Variants in KCNH1 observed in about 807,000 individuals in gnomAD.
The protein encoded by KCNH1 is potassium voltage-gated channel subfamily H member 1.
In KCNH1, 27 loss-of-function variants were observed where a neutral mutation model predicts 69.2. The observed-to-expected ratio is 0.39, with a 90% CI of 0.29 to 0.54. KCNH1 has a LOEUF of 0.54. KCNH1 is among the 20% of genes least tolerant of loss of function. The pLI, the probability that KCNH1 is intolerant of heterozygous loss-of-function variation, is 0.68. For synonymous variants in KCNH1, 456 were observed against 487.7 expected (o/e 0.93, Z 0.86); for missense variants, 798 against 1,261.6 (o/e 0.63, Z 5.57).
chr1:210,800,210 G>A (rs1421612514), intron 8 of KCNH1, among the ~76,000 whole-genome samples: 4 of 152,196 alleles, frequency 2.6e-5, no homozygotes. Context: ...AATTCAGAAC[G>A]CCAATGCTTG....
chr1:210,917,497 CA>C (rs1176728631), intron 7 of KCNH1, among the ~76,000 whole-genome samples: 1 of 151,998 alleles, frequency 6.6e-6, no homozygotes, highest in Non-Finnish European at 1.5e-5. Flanking sequence ...AACAAACAAA[CA>C]AAAAAACCCC....
intron 7 of KCNH1, among the ~76,000 whole-genome samples, chr1:210,841,074 AC>A (rs983101518): frequency 6.6e-6 from 1 of 152,182 alleles, no homozygotes; most frequent in African/African-American, 2.4e-5. Context: ...ACTTAAAAAA[AC>A]AACTCAAAAC....
intron 3 of KCNH1, among the ~76,000 whole-genome samples, chr1:211,096,559 A>G (rs1011457255): frequency 6.6e-6 from 1 of 152,236 alleles, no homozygotes; most frequent in African/African-American, 2.4e-5. Context: ...GGGCAAAACT[A>G]GAAAAATCAA....
chr1:210,985,529 T>C lies in KCNH1; in HGVS notation c.1032+33254A>G, dbSNP rs540558211. Among the ~76,000 whole-genome samples, 444 of 152,340 alleles carry C rather than the reference T, an allele frequency of 2.9e-3. 2 individuals carry two copies. The highest frequency in any genetic ancestry group is 4.8e-3 in the Non-Finnish European group (324 of 68,032). On this transcript the variant is annotated intron_variant, in intron 6 of 10. Transcript: ENST00000271751. ...AAGAACATCTTTATTTCTGCCTTCA[T>C]TTCGTTATGTACCCAGTAGTCATTC...
intron 10 of KCNH1, among the ~76,000 whole-genome samples, chr1:210,751,567 C>T (rs1166481600): frequency 1.3e-5 from 2 of 152,032 alleles, no homozygotes; most frequent in East Asian, 1.9e-4. Context: ...CAAAGTGAGA[C>T]AGCTAGTCAC....
chr1:211,055,119 T>C (rs1690280708), intron 5 of KCNH1, among the ~76,000 whole-genome samples: 1 of 152,006 alleles, frequency 6.6e-6, no homozygotes, highest in Non-Finnish European at 1.5e-5. Flanking sequence ...AAGTGAGCAA[T>C]CATAGTACCT....
chr1:210,695,911 G>A lies in KCNH1; in HGVS notation c.2113-11773C>T, dbSNP rs1681629330. ...GCCGGCTAGTTTCCTGTTAGGGTCTGCCAGTGGCAGCTCTGGCAGACTGAC... is the reference window on the plus strand; with the variant it reads ...GCCGGCTAGTTTCCTGTTAGGGTCTACCAGTGGCAGCTCTGGCAGACTGAC... On this transcript the variant is annotated intron_variant, in intron 10 of 10. Transcript: ENST00000271751. Among the ~76,000 whole-genome samples the A allele has an allele frequency of 2.0e-5, 3 of 152,322 alleles. No homozygotes were observed. The South Asian group carries it at 6.2e-4, about 32-fold the overall frequency.
intron 5 of KCNH1, among the ~76,000 whole-genome samples, chr1:211,035,916 G>T (rs1032454388): frequency 3.9e-5 from 6 of 152,210 alleles, no homozygotes; most frequent in Non-Finnish European, 7.3e-5. Context: ...CCTCAGAAGT[G>T]TGTGTAGAAA....
In KCNH1 at chr1:210,803,956, A is replaced by G; in HGVS notation, c.1662+11T>C. On this transcript the variant is annotated intron_variant, in intron 8 of 10. Transcript: ENST00000271751. The stretch of plus-strand genomic sequence containing the variant: ...GACAAATGGTTTCCCTGAGCTCCTC[A>G]TCCTCCTTACCTTCTCTGTGTCAAT... 1 of 1,612,044 alleles carries G rather than the reference A, an allele frequency of 6.2e-7. No homozygotes were observed. The highest frequency in any genetic ancestry group is 2.2e-5 in the East Asian group (1 of 44,838).
At chr1:210,963,254 G>T (rs1195591153) in intron 6 of KCNH1, among the ~76,000 whole-genome samples, 1 of 152,018 alleles carries the variant, frequency 6.6e-6, no homozygotes, top group African/African-American at 2.4e-5. Context: ...CAACAAAAGG[G>T]ACGTCCACGC....
chr1:210,981,277 G>T (rs567816887), intron 6 of KCNH1, among the ~76,000 whole-genome samples: 6 of 146,586 alleles, frequency 4.1e-5, no homozygotes, highest in South Asian at 4.3e-4. Flanking sequence ...ATGGCCAAAA[G>T]GAAAACTCAG....
intron 10 of KCNH1, among the ~76,000 whole-genome samples, chr1:210,686,322 A>G (rs1179464053): frequency 6.6e-6 from 1 of 152,158 alleles, no homozygotes; most frequent in Non-Finnish European, 1.5e-5. Flanking sequence ...GAGCATCCAA[A>G]TCCTGTTCAC....
rs189147745 is a variant in KCNH1 at position 210,967,662 on chromosome 1, T to C, written c.1033-47593A>G. Among the ~76,000 whole-genome samples the C allele has an allele frequency of 2.2e-3, 340 of 152,260 alleles. 3 individuals are homozygous for C. The highest frequency in any genetic ancestry group is 7.7e-3 in the South Asian group (37 of 4,824). ...TGTCAATTTGTCTATCCTGAATCAATACCATATTGTCCCAATTATTAGGTT... is the reference window on the plus strand; with the variant it reads ...TGTCAATTTGTCTATCCTGAATCAACACCATATTGTCCCAATTATTAGGTT... On this transcript the variant is annotated intron_variant, in intron 6 of 10. Transcript: ENST00000271751.
intron 7 of KCNH1, among the ~76,000 whole-genome samples, chr1:210,880,891 T>C (rs571928384): frequency 2.5e-4 from 38 of 151,934 alleles, no homozygotes; most frequent in African/African-American, 9.2e-4. Flanking sequence ...AAAAATAAAA[T>C]CTGATTTTAA....
chr1:210,981,769 T>C (rs1300322007), intron 6 of KCNH1, among the ~76,000 whole-genome samples: 2 of 152,128 alleles, frequency 1.3e-5, no homozygotes, highest in Non-Finnish European at 2.9e-5. Context: ...CCAGAATTGT[T>C]CCCTTTGCTG....
intron 7 of KCNH1, among the ~76,000 whole-genome samples, chr1:210,869,058 G>A (rs890788972): frequency 2.6e-5 from 4 of 152,028 alleles, no homozygotes; most frequent in Admixed American, 2.6e-4. Context: ...TTGACAGTTT[G>A]CTGTTTTTGT....
chr1:211,133,267 G>A lies in KCNH1; in HGVS notation c.79+600C>T, dbSNP rs1691910044. 6.6e-6 allele frequency: 1 copy of A among 152,372 alleles called. No homozygotes were observed. Among genetic ancestry groups the A allele is most frequent in the Non-Finnish European group, 1.5e-5 (1 of 68,196 alleles). 9.4% of individuals were successfully genotyped at this position (152,372 alleles called of 1,614,324 possible). A position where few individuals can be genotyped will look rare whatever the true frequency, so the allele number is the denominator to read the frequency against. The stretch of plus-strand genomic sequence containing the variant: ...AGGAAAACCATCTGCCCCTCACTTC[G>A]AAGGTGAGCCTTAACTTCACCTAGA... On this transcript the variant is annotated intron_variant, in intron 1 of 10. Coordinates refer to ENST00000271751, the MANE Select transcript of KCNH1 (RefSeq NM_172362.3). The surrounding 1 kb of genome is among the most constrained non-coding windows in gnomAD (Gnocchi z 5.4).
rs544038492 is a variant in KCNH1, at chr1:210,828,772, G to A, written c.1463-24606C>T. Among the ~76,000 whole-genome samples, 8 of 152,242 alleles carry A rather than the reference G, an allele frequency of 5.3e-5. No homozygotes were observed. In the South Asian group the frequency reaches 1.7e-3, roughly 32 times the overall value. On this transcript the variant is annotated intron_variant, in intron 7 of 10. Coordinates refer to ENST00000271751, the MANE Select transcript of KCNH1 (RefSeq NM_172362.3). ...CTCCTGTATGGAAAAGATCCCTGGG[G>A]CTCCACTCTTAGGTAGAGTCCACAT...
chr1:210,772,622 T>C (rs1683774634), intron 10 of KCNH1, among the ~76,000 whole-genome samples: 1 of 152,054 alleles, frequency 6.6e-6, no homozygotes, highest in Non-Finnish European at 1.5e-5. Context: ...TAGAAGAAAA[T>C]TTGAAGGTCA....
Sources: gnomAD v4.1 joint callset for allele counts (sites outside exome capture counted in the v4.1 genomes callset) on GRCh38, gnomAD v4.1.1 for gene constraint, Gnocchi (gnomAD v3.1) non-coding constraint, MANE v1.5 for transcripts, NCBI Gene and HGNC (gene_info 2026-07-23, HGNC 2026-07-21) for gene names.